GTPBP10: variants seen among roughly 807,000 people sequenced by gnomAD.
GTPBP10 encodes GTP binding protein 10, also known as GTP-binding protein 10.
GTPBP10 carries 38 observed loss-of-function variants against 44.8 expected under a neutral mutation model. The observed-to-expected ratio is 0.85, with a 90% CI of 0.65 to 1.11. The LOEUF (loss-of-function observed/expected upper bound fraction) is 1.11, where lower values mean the gene tolerates loss of function less well. GTPBP10 is among the 50% of genes most tolerant of loss of function. The pLI is 0.00. For missense variants in GTPBP10, 462 were observed against 453.7 expected, an observed-to-expected ratio of 1.02 and a Z score of -0.17; for synonymous variants, 152 against 150.6, an observed-to-expected ratio of 1.01 and a Z score of -0.07.
Position 90,383,086 on chromosome 7 carries a change from C to T in GTPBP10, c.901+7C>T, listed in dbSNP as rs1400328570. 4 of 1,531,950 alleles carry T rather than the reference C, an allele frequency of 2.6e-6. No homozygotes were observed. Among genetic ancestry groups the T allele is most frequent in the Admixed American group, 3.8e-5 (2 of 53,236 alleles). The allele number at this position is 1,531,950 out of a possible 1,614,324, so 94.9% of individuals were successfully genotyped here. ...CAGCTCCAGAATCCTAAAGGTAAAC[C>T]TATTTATTCATTTAATTCTAATTTA... On this transcript the variant is annotated splice_region_variant and intron_variant, in intron 9 of 9. Transcript: ENST00000222511.
chr7:90,378,123 CT>C lies in GTPBP10; in HGVS notation c.700-3del, dbSNP rs760150131. 8.1e-6 allele frequency: 13 copies of C among 1,604,664 alleles called. No individual in the cohort carries two copies. The highest frequency in any genetic ancestry group is 3.3e-5 in the South Asian group (3 of 90,466). On this transcript the variant is annotated splice_polypyrimidine_tract_variant and intron_variant, in intron 7 of 9. Transcript: ENST00000222511. Reference sequence around the variant, plus strand: ...TGTTAAAGGCTGTCTCTTTCCTTCTCTTTTTTTTAGGTTGATATTTCTGGAT... The same window carrying C: ...TGTTAAAGGCTGTCTCTTTCCTTCTCTTTTTTTAGGTTGATATTTCTGGAT...
chr7:90,373,293 T>C (rs762527372), intron 5 of GTPBP10, among the ~76,000 whole-genome samples: 5 of 152,194 alleles, frequency 3.3e-5, no homozygotes, highest in Non-Finnish European at 7.3e-5. Context: ...CTCACAGAGA[T>C]CTCGGCCTGT....
chr7:90,378,061 C>G, intron 7 of GTPBP10, 73 bp from the exon 8 acceptor site: 2 of 1,488,050 alleles, frequency 1.3e-6, no homozygotes, highest in African/African-American at 2.8e-5. Context: ...GAGAGTAAAA[C>G]ATTTTAAAAC....
intron 1 of GTPBP10, among the ~76,000 whole-genome samples, chr7:90,349,597 C>T (rs1795748945): frequency 6.6e-6 from 1 of 152,194 alleles, no homozygotes; most frequent in African/African-American, 2.4e-5. Context: ...CTTTCCCTTT[C>T]AAGATTGAGG....
chr7:90,379,769 T>C (rs1311803464), intron 8 of GTPBP10, among the ~76,000 whole-genome samples: 2 of 152,216 alleles, frequency 1.3e-5, no homozygotes, highest in African/African-American at 4.8e-5. Flanking sequence ...AGCACCATTG[T>C]GCCATTTTAC....
At chr7:90,367,611 T>C (rs932596253) in intron 4 of GTPBP10, among the ~76,000 whole-genome samples, 30 of 152,196 alleles carry the variant, frequency 2.0e-4, no homozygotes, top group Non-Finnish European at 5.9e-5. Context: ...ACCCCTGCCT[T>C]TTTTTGTTTT....
At position 90,391,354 on chromosome 7, in the gene GTPBP10, T is replaced by C. The variant is rs1230322158; in HGVS notation, c.*6200T>C. 6.6e-6 allele frequency: 1 copy of C among 152,186 alleles called. No homozygotes were observed. The highest frequency in any genetic ancestry group is 6.5e-5 in the Admixed American group (1 of 15,284). The allele number at this position is 152,186 out of a possible 1,614,324, so 9.4% of individuals were successfully genotyped here. On this transcript the variant is annotated 3_prime_UTR_variant, in exon 10 of 10. Coordinates refer to ENST00000222511, the MANE Select transcript of GTPBP10 (RefSeq NM_033107.4). The stretch of plus-strand genomic sequence containing the variant: ...TATATATTATGTTTTTTTCTATATA[T>C]ACACAGCTATGATAAAGTTCATAAA...
intron 2 of GTPBP10, 79 bp downstream of exon 2, chr7:90,353,088 CTT>C: frequency 1.1e-6 from 1 of 895,844 alleles, no homozygotes; most frequent in South Asian, 2.2e-5. Flanking sequence ...AAAATAAAAA[CTT>C]AATTGTTAAT....
chr7:90,369,222 A>G (rs1054000318), intron 4 of GTPBP10, among the ~76,000 whole-genome samples: 1 of 152,146 alleles, frequency 6.6e-6, no homozygotes, highest in African/African-American at 2.4e-5. Flanking sequence ...CCCTACTGGG[A>G]GGTGTCTCCC....
chr7:90,363,999 A>G (rs889936619), intron 4 of GTPBP10, among the ~76,000 whole-genome samples: 4 of 152,236 alleles, frequency 2.6e-5, no homozygotes, highest in African/African-American at 9.6e-5. Flanking sequence ...GTCATTTAAG[A>G]ACTTCTCTGC....
chr7:90,372,887 T>C (rs955935250), intron 5 of GTPBP10, among the ~76,000 whole-genome samples: 1 of 152,160 alleles, frequency 6.6e-6, no homozygotes, highest in African/African-American at 2.4e-5. Flanking sequence ...TTGACTTGTA[T>C]TGAGTTTGTA....
At chr7:90,380,421 C>T (rs1380304200) in intron 8 of GTPBP10, among the ~76,000 whole-genome samples, 2 of 152,150 alleles carry the variant, frequency 1.3e-5, no homozygotes, top group East Asian at 3.9e-4. Context: ...AAAATATTTT[C>T]TCCCCTTCTG....
intron 4 of GTPBP10, among the ~76,000 whole-genome samples, chr7:90,359,716 C>T (rs138829864): frequency 0.028 from 4,322 of 152,256 alleles, 79 homozygotes; most frequent in African/African-American, 0.045. Flanking sequence ...GGAATCGCCA[C>T]GCTGTCTTCC....
At chr7:90,377,455 T>G (rs1796360168) in intron 6 of GTPBP10, 52 bp from the exon 7 acceptor site, 1 of 1,230,010 alleles carries the variant, frequency 8.1e-7, no homozygotes, top group Non-Finnish European at 1.2e-6. Context: ...GTAATTGAAC[T>G]TGCGGTTTTC....
Position 90,385,332 on chromosome 7 carries a change from G to A in GTPBP10, c.*178G>A, listed in dbSNP as rs1004274204. On this transcript the variant is annotated 3_prime_UTR_variant, in exon 10 of 10. Coordinates refer to ENST00000222511, the MANE Select transcript of GTPBP10 (RefSeq NM_033107.4). ...ACTCATAGAAGGAGAGAATAGAATG[G>A]TGGTTATCAAGGGCTGGTGGGGCAG... 8.1e-6 allele frequency: 4 copies of A among 491,044 alleles called. No individual in the cohort carries two copies. The highest frequency in any genetic ancestry group is 4.0e-5 in the African/African-American group (2 of 50,526). The allele number at this position is 491,044 out of a possible 1,614,324, so 30.4% of individuals were successfully genotyped here.
At chr7:90,368,685 C>A (rs911453819) in intron 4 of GTPBP10, among the ~76,000 whole-genome samples, 1 of 152,064 alleles carries the variant, frequency 6.6e-6, no homozygotes, top group African/African-American at 2.4e-5. Flanking sequence ...TCTAATTAGC[C>A]ATTCGTCTAA....
chr7:90,377,366 T>C (rs946577158), intron 6 of GTPBP10, 141 bp from the exon 7 acceptor site: 3 of 523,902 alleles, frequency 5.7e-6, no homozygotes, highest in East Asian at 3.0e-5. Flanking sequence ...TTTACTCTTA[T>C]ACTTGGCTTT....
In GTPBP10 at chr7:90,355,217, G is replaced by A; in HGVS notation, c.451G>A (p.Val151Ile). The A allele has an allele frequency of 1.3e-6, 2 of 1,584,524 alleles. No homozygotes were observed. Among genetic ancestry groups the A allele is most frequent in the South Asian group, 1.1e-5 (1 of 86,972 alleles). Residue 151 changes from valine to isoleucine, a missense_variant, in exon 4 of 10, where the codon GTA (valine) becomes ATA (isoleucine). Physicochemically the swap from Val to Ile is conservative, Grantham distance 29. Transcript: ENST00000222511. ...IHLDLKLIAD[V>I]GLVGFPNAGK... The stretch of plus-strand genomic sequence containing the variant: ...CCTTGATCTAAAACTTATAGCTGAT[G>A]TAGGCCTAGTAGGGTAAGTATCGTT...
chr7:90,354,460 T>C lies in GTPBP10; in HGVS notation c.230T>C (p.Ile77Thr). Residue 77 changes from isoleucine to threonine, a missense_variant and splice_region_variant, in exon 3 of 10, where the codon ATT becomes ACT. By Grantham distance (89) the Ile-to-Thr change is moderately conservative (BLOSUM62 -1). Coordinates refer to ENST00000222511, the MANE Select transcript of GTPBP10 (RefSeq NM_033107.4). ...FVAGVGANSK[I>T]SALKGSKGKD... ...TATATATACTTTTTTTTTGGTAGAA[T>C]TAGTGCACTGAAAGGCTCCAAAGGA... 6.5e-7 allele frequency: 1 copy of C among 1,538,702 alleles called. No homozygotes were observed. Among genetic ancestry groups the C allele is most frequent in the Non-Finnish European group, 8.9e-7 (1 of 1,129,406 alleles).
Sources: gnomAD v4.1 joint callset for allele counts (sites outside exome capture counted in the v4.1 genomes callset) on GRCh38, gnomAD v4.1.1 for gene constraint, MANE v1.5 for transcripts, NCBI Gene and HGNC (gene_info 2026-07-23, HGNC 2026-07-21) for gene names.